The following SF3A2 variants were observed in gnomAD, a reference collection of about 807,000 sequenced individuals.
SF3A2 encodes the protein SAP 62.
Under a neutral mutation model 31.1 loss-of-function variants are expected in SF3A2, and 5 were observed. That is an observed-to-expected ratio of 0.16 (90% CI 0.08 to 0.34). The LOEUF is 0.34. SF3A2 is among the 10% of genes least tolerant of loss of function. The pLI is 1.00. For synonymous variants in SF3A2, 365 were observed against 263.7 expected, an observed-to-expected ratio of 1.38 and a Z score of -3.72; for missense variants, 577 against 643.9, an observed-to-expected ratio of 0.90 and a Z score of 1.13.
At position 2,238,356 on chromosome 19, in the gene SF3A2, C is replaced by T. The variant is rs139481070; in HGVS notation, c.-38+1455C>T. ...ATTTTTTGTAGAGATGGGGTTTTACCAGGTTGGCCAGGCTGTCCCCTGATC... is the reference window on the plus strand; with the variant it reads ...ATTTTTTGTAGAGATGGGGTTTTACTAGGTTGGCCAGGCTGTCCCCTGATC... On this transcript the variant is annotated intron_variant, in intron 1 of 8. Transcript: ENST00000221494. 1.5e-3 allele frequency among the ~76,000 whole-genome samples: 234 copies of T among 152,278 alleles called. 1 individual carries two copies. Among genetic ancestry groups the T allele is most frequent in the Admixed American group, 3.0e-3 (46 of 15,286 alleles).
Position 2,246,710 on chromosome 19 carries a change from G to A in SF3A2, c.356-43G>A, listed in dbSNP as rs758093442. Reference sequence around the variant, plus strand: ...GCCTGCCCCAGGTTCCTCAGCTTCGGAGAGGACAAGCAGCCGGGACCTGAG... The same window carrying A: ...GCCTGCCCCAGGTTCCTCAGCTTCGAAGAGGACAAGCAGCCGGGACCTGAG... On this transcript the variant is annotated intron_variant, in intron 5 of 8. Coordinates refer to ENST00000221494, the MANE Select transcript of SF3A2 (RefSeq NM_007165.5). This position sits in a 1 kb window ranked among gnomAD's most constrained non-coding sequence, Gnocchi z 5.5. The A allele has an allele frequency of 8.1e-6, 13 of 1,612,754 alleles. No homozygotes were observed. The highest frequency in any genetic ancestry group is 1.7e-4 in the Middle Eastern group (1 of 6,054).
chr19:2,245,119 G>C lies in SF3A2; in HGVS notation c.246-327G>C, dbSNP rs555510330. ...GAGAATCTTGAATCTGGGAGGCAGA[G>C]ATTGCAGTGAACCAAGGTGCTGCCA... is the stretch of plus-strand genomic sequence containing the variant. On this transcript the variant is annotated intron_variant, in intron 4 of 8. Coordinates refer to ENST00000221494, the MANE Select transcript of SF3A2 (RefSeq NM_007165.5). This position sits in a 1 kb window ranked among gnomAD's most constrained non-coding sequence, Gnocchi z 4.2. 2.1e-4 allele frequency: 104 copies of C among 499,170 alleles called. No individual in the cohort carries two copies. Among genetic ancestry groups the C allele is most frequent in the Admixed American group, 1.5e-3 (42 of 27,718 alleles). 30.9% of individuals were successfully genotyped at this position (499,170 alleles called of 1,614,324 possible). A position where few individuals can be genotyped will look rare whatever the true frequency, so the allele number is the denominator to read the frequency against.
intron 1 of SF3A2, 87 bp from the exon 2 acceptor site, chr19:2,243,295 G>T: frequency 3.5e-6 from 4 of 1,149,958 alleles, no homozygotes; most frequent in Non-Finnish European, 4.8e-6. Context: ...GCAGTCTCGA[G>T]GGCTCCAGCC....
Position 2,248,286 on chromosome 19 carries a change from G to T in SF3A2, c.1135G>T (p.Val379Leu), listed in dbSNP as rs1218632147. ...SAGVHPQAPG[V>L]HPAAPAVHPQ... ...GGGGGTTCACCCCCAGGCCCCGGGGGTGCACCCAGCAGCCCCCGCCGTTCA... is the reference window on the plus strand; with the variant it reads ...GGGGGTTCACCCCCAGGCCCCGGGGTTGCACCCAGCAGCCCCCGCCGTTCA... Residue 379 changes from valine (V) to leucine (L), a missense_variant, in exon 9 of 9, where the codon GTG becomes TTG. Physicochemically the swap from Val to Leu is conservative, Grantham distance 32. Transcript: ENST00000221494. The T allele has an allele frequency of 2.9e-6, 4 of 1,401,672 alleles. No homozygotes were observed. The highest frequency in any genetic ancestry group is 3.2e-5 in the Admixed American group (1 of 31,724). The allele number at this position is 1,401,672 out of a possible 1,614,324, so 86.8% of individuals were successfully genotyped here.
chr19:2,240,390 G>A (rs1234779621), intron 1 of SF3A2, among the ~76,000 whole-genome samples: 5 of 152,210 alleles, frequency 3.3e-5, no homozygotes, highest in Admixed American at 2.6e-4. Context: ...TGATCTCCTC[G>A]AGGGTTGTGG....
Position 2,248,540 on chromosome 19 carries a change from C to A in SF3A2, c.1389C>A (p.Thr463=). The change falls in exon 9 of 9, where the codon ACC becomes ACA. Residue 463 remains threonine (T), a synonymous_variant. Transcript: ENST00000221494. ...GPGNIPPPPP[T]N is the part of the protein sequence containing the mutation. ...GGAACATACCTCCCCCTCCCCCAAC[C>A]AACTGAGAAGCTGCTCCCTCCCCCA... 1 of 1,096,322 alleles carries A rather than the reference C, an allele frequency of 9.1e-7. No individual in the cohort carries two copies. Among genetic ancestry groups the A allele is most frequent in the Non-Finnish European group, 1.2e-6 (1 of 829,014 alleles). 67.9% of individuals were successfully genotyped at this position (1,096,322 alleles called of 1,614,324 possible).
rs2024954258 is a variant in SF3A2 at position 2,247,841 on chromosome 19, G to C, written c.690G>C (p.Val230=). 2 of 1,580,944 alleles carry C rather than the reference G, an allele frequency of 1.3e-6. No individual in the cohort carries two copies. Among genetic ancestry groups the C allele is most frequent in the Non-Finnish European group, 1.7e-6 (2 of 1,156,192 alleles). Residue 230 remains valine (V), a synonymous_variant, in exon 9 of 9, where the codon GTG becomes GTC. Coordinates refer to ENST00000221494, the MANE Select transcript of SF3A2 (RefSeq NM_007165.5). ...GCCTCCCTGCTGGCCCCCCTGGGGT[G>C]AAGCGGCCTCCACCCCCGCTGATGA... The part of the protein sequence containing the change: ...PPSLPAGPPG[V]KRPPPPLMNG...
Position 2,243,487 on chromosome 19 carries a change from C to G in SF3A2, c.69C>G (p.Asn23Lys). Reference protein sequence around the residue: ...SGGVASSSESNRDRRERLRQL... With the variant: ...SGGVASSSESKRDRRERLRQL... The stretch of plus-strand genomic sequence containing the variant: ...GCGTGGCCTCCTCCTCCGAGAGCAA[C>G]CGTGACCGCAGGGAGCGCCTCCGGC... The change falls in exon 2 of 9, where the codon AAC (asparagine) becomes AAG (lysine). Residue 23 changes from asparagine to lysine, a missense_variant. Physicochemically the swap from Asn to Lys is moderately conservative, Grantham distance 94. Coordinates refer to ENST00000221494, the MANE Select transcript of SF3A2 (RefSeq NM_007165.5). 6.4e-7 allele frequency: 1 copy of G among 1,552,284 alleles called. No individual in the cohort carries two copies. Among genetic ancestry groups the G allele is most frequent in the Non-Finnish European group, 8.6e-7 (1 of 1,157,516 alleles).
chr19:2,238,804 C>T (rs1414495806), intron 1 of SF3A2, among the ~76,000 whole-genome samples: 1 of 152,182 alleles, frequency 6.6e-6, no homozygotes, highest in Non-Finnish European at 1.5e-5. Flanking sequence ...CCCCCTTATC[C>T]TCCTCCTCCA....
intron 7 of SF3A2, chr19:2,247,316 T>C: frequency 1.8e-6 from 1 of 552,872 alleles, no homozygotes; most frequent in Non-Finnish European, 3.2e-6. Flanking sequence ...CTGGAGGGCT[T>C]CCTACAGCCT....
At chr19:2,240,138 C>T (rs1599650958) in intron 1 of SF3A2, among the ~76,000 whole-genome samples, 1 of 152,198 alleles carries the variant, frequency 6.6e-6, no homozygotes, top group Non-Finnish European at 1.5e-5. Flanking sequence ...TATTTGAGAA[C>T]TCTTCCTCTG....
Position 2,246,824 on chromosome 19 carries a change from T to G in SF3A2, c.405+22T>G. ...CCAGGTGAGATCAGGGACTTGGGCG[T>G]GGGGGGCGGCCAAAGGCACCCAAGA... On this transcript the variant is annotated intron_variant, in intron 6 of 8. Transcript: ENST00000221494. The surrounding 1 kb of genome is among the most constrained non-coding windows in gnomAD (Gnocchi z 5.5). 2 of 1,613,414 alleles carry G rather than the reference T, an allele frequency of 1.2e-6. No homozygotes were observed. Among genetic ancestry groups the G allele is most frequent in the East Asian group, 2.2e-5 (1 of 44,852 alleles).
intron 1 of SF3A2, among the ~76,000 whole-genome samples, chr19:2,242,193 C>G (rs571699797): frequency 1.5e-4 from 21 of 144,646 alleles, no homozygotes; most frequent in African/African-American, 4.0e-4. Flanking sequence ...GGCCACTGTG[C>G]CCTGTCCCTC....
At chr19:2,239,511 C>A (rs1003228005) in intron 1 of SF3A2, among the ~76,000 whole-genome samples, 1 of 152,128 alleles carries the variant, frequency 6.6e-6, no homozygotes, top group African/African-American at 2.4e-5. Flanking sequence ...AGCTTAACAT[C>A]TTCCTTGGTG....
Position 2,248,184 on chromosome 19 carries a change from C to G in SF3A2, c.1033C>G (p.Pro345Ala). The change falls in exon 9 of 9, where the codon CCA (proline) becomes GCA (alanine). Residue 345 changes from proline (P) to alanine (A), a missense_variant. Pro to Ala is a conservative substitution (Grantham distance 27, BLOSUM62 -1). Transcript: ENST00000221494. ...CCACCCTCCAGCCCCCGGGGTTCAC[C>G]CACCAGCCCCCGGAGTCCACCCACC... ...GVHPPAPGVH[P>A]PAPGVHPPAP... 1 of 1,459,040 alleles carries G rather than the reference C, an allele frequency of 6.9e-7. No individual in the cohort carries two copies. Among genetic ancestry groups the G allele is most frequent in the African/African-American group, 1.4e-5 (1 of 70,576 alleles). The allele number at this position is 1,459,040 out of a possible 1,614,324, so 90.4% of individuals were successfully genotyped here.
Position 2,248,417 on chromosome 19 carries a change from C to T in SF3A2, c.1266C>T (p.His422=). ...TCCATCCGTCGGCTCCTGGGGTCCA[C>T]CCTCAGCCTCCGGGAGTTCACCCCT... The part of the protein sequence containing the change: ...PGVHPSAPGV[H]PQPPGVHPSN... Residue 422 remains histidine (H), a synonymous_variant, in exon 9 of 9, where the codon CAC becomes CAT. Coordinates refer to ENST00000221494, the MANE Select transcript of SF3A2 (RefSeq NM_007165.5). The T allele has an allele frequency of 7.3e-7, 1 of 1,379,064 alleles. No individual in the cohort carries two copies. The highest frequency in any genetic ancestry group is 9.3e-7 in the Non-Finnish European group (1 of 1,069,680). 85.4% of individuals were successfully genotyped at this position (1,379,064 alleles called of 1,614,324 possible). A position where few individuals can be genotyped will look rare whatever the true frequency, so the allele number is the denominator to read the frequency against.
rs991103853 is a variant in SF3A2, at chr19:2,246,793, C to T, written c.396C>T (p.Leu132=). 7 of 1,613,972 alleles carry T rather than the reference C, an allele frequency of 4.3e-6. No individual in the cohort carries two copies. Among genetic ancestry groups the T allele is most frequent in the Non-Finnish European group, 5.1e-6 (6 of 1,179,984 alleles). The part of the protein sequence containing the change: ...QRDSEMGQQS[L]LFQIDYPEIA... ...ACTCGGAGATGGGCCAGCAGAGCCTCCTCTTCCAGGTGAGATCAGGGACTT... is the reference window on the plus strand; with the variant it reads ...ACTCGGAGATGGGCCAGCAGAGCCTTCTCTTCCAGGTGAGATCAGGGACTT... The change falls in exon 6 of 9, where the codon CTC becomes CTT. Residue 132 remains leucine, a synonymous_variant. Coordinates refer to ENST00000221494, the MANE Select transcript of SF3A2 (RefSeq NM_007165.5). This position sits in a 1 kb window ranked among gnomAD's most constrained non-coding sequence, Gnocchi z 5.5.
chr19:2,247,185 A>C, intron 7 of SF3A2, 163 bp downstream of exon 7: 1 of 599,818 alleles, frequency 1.7e-6, no homozygotes. Context: ...CACCTCTCCC[A>C]TTGGGCTCTG....
At chr19:2,238,920 C>A (rs190393932) in intron 1 of SF3A2, among the ~76,000 whole-genome samples, 5 of 152,278 alleles carry the variant, frequency 3.3e-5, no homozygotes, top group African/African-American at 1.2e-4. Context: ...CATCTCTTTC[C>A]CTTCATGCTG....
Sources: gnomAD v4.1 joint callset for allele counts (sites outside exome capture counted in the v4.1 genomes callset) on GRCh38, gnomAD v4.1.1 for gene constraint, Gnocchi (gnomAD v3.1) non-coding constraint, MANE v1.5 for transcripts, NCBI Gene and HGNC (gene_info 2026-07-23, HGNC 2026-07-21) for gene names.